Variants in SETD2 observed in about 807,000 individuals in gnomAD.
SETD2 encodes the protein histone-lysine N-methyltransferase SETD2.
SETD2 carries 31 observed loss-of-function variants against 242.1 expected under a neutral mutation model. The ratio of observed to expected loss-of-function variants is 0.13; its 90% CI spans 0.10 to 0.17. SETD2 has a LOEUF of 0.17. SETD2 is among the 10% of genes least tolerant of loss of function. SETD2 has a pLI of 1.00. For synonymous variants in SETD2, 1,006 were observed against 1,066.5 expected, an observed-to-expected ratio of 0.94 and a Z score of 1.11; for missense variants, 2,481 against 3,046.3, an observed-to-expected ratio of 0.81 and a Z score of 4.37.
chr3:47,082,292 C>A (rs2041350501), intron 12 of SETD2, among the ~76,000 whole-genome samples: 1 of 152,220 alleles, frequency 6.6e-6, no homozygotes. Flanking sequence ...AACTACTGGT[C>A]TACAACCCTA....
chr3:47,105,620 C>T, intron 6 of SETD2: 2 of 425,828 alleles, frequency 4.7e-6, no homozygotes, highest in Admixed American at 2.8e-5. Context: ...ATTTTTGTCG[C>T]TTAATATATT....
intron 1 of SETD2, among the ~76,000 whole-genome samples, chr3:47,135,425 C>A (rs774918803): frequency 6.6e-6 from 1 of 152,110 alleles, no homozygotes; most frequent in African/African-American, 2.4e-5. Flanking sequence ...GAGGCACACG[C>A]CACTTACGTC....
intron 15 of SETD2, among the ~76,000 whole-genome samples, chr3:47,049,767 T>G (rs1165306138): frequency 1.4e-5 from 2 of 144,316 alleles, no homozygotes; most frequent in East Asian, 3.9e-4. Context: ...ACTTATTCTA[T>G]GAGTTTATAT....
At chr3:47,060,016 C>A (rs766722633) in intron 14 of SETD2, among the ~76,000 whole-genome samples, 1 of 152,124 alleles carries the variant, frequency 6.6e-6, no homozygotes, top group Non-Finnish European at 1.5e-5. Flanking sequence ...AACTCCTGAC[C>A]TTAGGTGATC....
intron 12 of SETD2, among the ~76,000 whole-genome samples, chr3:47,077,066 G>A (rs2041111692): frequency 1.3e-5 from 2 of 152,136 alleles, no homozygotes; most frequent in African/African-American, 4.8e-5. Flanking sequence ...TGAATTAAAA[G>A]TGGCAAAGAA....
At chr3:47,100,224 G>A (rs944678936) in intron 8 of SETD2, among the ~76,000 whole-genome samples, 3 of 151,448 alleles carry the variant, frequency 2.0e-5, no homozygotes, top group African/African-American at 7.3e-5. Context: ...ACAGGCATGA[G>A]CCACCGCACC....
rs982172413 is a variant in SETD2 at position 47,116,868 on chromosome 3, G to A, written c.4455-114C>T. On this transcript the variant is annotated intron_variant, in intron 3 of 20. Coordinates refer to ENST00000409792, the MANE Select transcript of SETD2 (RefSeq NM_014159.7). ...AGATTCTTTTGGGTTTTTTTAAACA[G>A]GGTCTTGTTCTGTCACCCAGGCCAG... is the stretch of plus-strand genomic sequence containing the variant. 6.6e-5 allele frequency: 50 copies of A among 758,896 alleles called. No homozygotes were observed. The African/African-American group carries it at 7.6e-4, about 12-fold the overall frequency. 47.0% of individuals were successfully genotyped at this position (758,896 alleles called of 1,614,324 possible).
chr3:47,138,522 A>G (rs2043647097), intron 1 of SETD2, among the ~76,000 whole-genome samples: 1 of 151,054 alleles, frequency 6.6e-6, no homozygotes, highest in African/African-American at 2.4e-5. Flanking sequence ...CCCAGGTTCA[A>G]GTGATTCTCC....
chr3:47,128,277 T>C (rs1417802459), intron 1 of SETD2, among the ~76,000 whole-genome samples: 1 of 152,180 alleles, frequency 6.6e-6, no homozygotes, highest in African/African-American at 2.4e-5. Flanking sequence ...TGGGTTATGT[T>C]CTAACAAAGG....
At chr3:47,087,743 G>C (rs1472242960) in intron 10 of SETD2, among the ~76,000 whole-genome samples, 1 of 152,138 alleles carries the variant, frequency 6.6e-6, no homozygotes, top group Admixed American at 6.6e-5. Flanking sequence ...GAGACGGGTG[G>C]ATCATCTGAG....
intron 8 of SETD2, among the ~76,000 whole-genome samples, chr3:47,101,144 T>C (rs1469226818): frequency 1.3e-5 from 2 of 151,688 alleles, no homozygotes; most frequent in African/African-American, 2.4e-5. Flanking sequence ...GAGGAATTTA[T>C]AATACTGTAC....
chr3:47,035,814 G>C (rs2038970805), intron 18 of SETD2, among the ~76,000 whole-genome samples: 1 of 152,140 alleles, frequency 6.6e-6, no homozygotes. Flanking sequence ...ACACAGTACA[G>C]AAGTCTGGAA....
At chr3:47,096,512 C>CA (rs1280625891) in intron 9 of SETD2, among the ~76,000 whole-genome samples, 1 of 141,942 alleles carries the variant, frequency 7.0e-6, no homozygotes, top group Non-Finnish European at 1.5e-5. Context: ...TTTGAAGCTG[C>CA]AGTGAGCTAT....
chr3:47,135,573 C>T lies in SETD2; in HGVS notation c.72-8910G>A, dbSNP rs549201451. ...TTACAGGCATGAGCCAGTACAGGCACGCCTGGCCTAGGGGTGGCAATTTAA... is the reference window on the plus strand; with the variant it reads ...TTACAGGCATGAGCCAGTACAGGCATGCCTGGCCTAGGGGTGGCAATTTAA... On this transcript the variant is annotated intron_variant, in intron 1 of 20. Coordinates refer to ENST00000409792, the MANE Select transcript of SETD2 (RefSeq NM_014159.7). Among the ~76,000 whole-genome samples the T allele has an allele frequency of 1.1e-4, 16 of 152,314 alleles. No homozygotes were observed. In the South Asian group the frequency reaches 2.3e-3, roughly 22 times the overall value.
At chr3:47,034,836 G>A (rs928018828) in intron 18 of SETD2, among the ~76,000 whole-genome samples, 1 of 152,146 alleles carries the variant, frequency 6.6e-6, no homozygotes, top group Non-Finnish European at 1.5e-5. Context: ...CATTTGTGCT[G>A]AATAGGAACT....
upstream of SETD2, chr3:47,164,647 CTTT>C (rs1559776022): frequency 6.6e-6 from 1 of 152,628 alleles, no homozygotes; most frequent in Non-Finnish European, 1.5e-5. This position sits in a 1 kb window ranked among gnomAD's most constrained non-coding sequence, Gnocchi z 5.4. Context: ...TCGCCCCTCT[CTTT>C]TTTATTTTTC....
At chr3:47,061,992 C>T (rs932597184) in intron 14 of SETD2, among the ~76,000 whole-genome samples, 171 bp downstream of exon 14, 19 of 152,204 alleles carry the variant, frequency 1.2e-4, no homozygotes, top group Non-Finnish European at 2.5e-4. Context: ...CTACTACTGT[C>T]AACAGAGAAT....
At chr3:47,066,503 C>T (rs1434630803) in intron 13 of SETD2, among the ~76,000 whole-genome samples, 1 of 152,088 alleles carries the variant, frequency 6.6e-6, no homozygotes, top group Non-Finnish European at 1.5e-5. Context: ...CACACCACCA[C>T]ACTTAGCTAA....
Position 47,056,915 on chromosome 3 carries a change from T to A in SETD2, c.6869A>T (p.Gln2290Leu), listed in dbSNP as rs763541766. 14 of 1,614,104 alleles carry A rather than the reference T, an allele frequency of 8.7e-6. No individual in the cohort carries two copies. The East Asian group carries it at 3.1e-4, about 36-fold the overall frequency. The part of the protein sequence containing the change: ...VSVQQQYSPA[Q>L]SQATIYYQGQ... ...TTGATAATATATGGTTGCTTGAGAC[T>A]GTGCAGGAGAGTACTGCTGCTGTAC... The change falls in exon 15 of 21, where the codon CAG becomes CTG. Residue 2290 changes from glutamine (Q) to leucine (L), a missense_variant. This residue lies in a region of SETD2 where 235 missense variants were observed against 293.9 expected (regional missense o/e 0.80). Transcript: ENST00000409792.
Sources: gnomAD v4.1 joint callset for allele counts (sites outside exome capture counted in the v4.1 genomes callset) on GRCh38, gnomAD v4.1.1 for gene constraint, gnomAD v4.1.1 regional missense constraint, Gnocchi (gnomAD v3.1) non-coding constraint, MANE v1.5 for transcripts, NCBI Gene and HGNC (gene_info 2026-07-23, HGNC 2026-07-21) for gene names.